The following BCAS3 variants were observed in gnomAD, a reference collection of about 807,000 sequenced individuals.
BCAS3 encodes BCAS4/BCAS3 fusion.
Under a neutral mutation model 116.1 loss-of-function variants are expected in BCAS3, and 53 were observed. The observed-to-expected ratio is 0.46, with a 90% CI of 0.37 to 0.57. The LOEUF is 0.57. Ranked by LOEUF, BCAS3 falls within the 20% of genes least tolerant of loss-of-function variation. BCAS3 has a pLI of 0.00. For synonymous variants in BCAS3, 391 were observed against 408.2 expected (o/e 0.96, Z 0.51); for missense variants, 917 against 1,165.4 (o/e 0.79, Z 3.10).
chr17:60,879,175 A>G (rs1427183228), intron 9 of BCAS3, among the ~76,000 whole-genome samples: 1 of 152,174 alleles, frequency 6.6e-6, no homozygotes, highest in Non-Finnish European at 1.5e-5. Context: ...GTTTTTCTAC[A>G]TTTATTGGTA....
At position 60,854,921 on chromosome 17, in the gene BCAS3, C is replaced by G. The variant is rs561314904; in HGVS notation, c.477-13655C>G. Among the ~76,000 whole-genome samples, 3 of 127,780 alleles carry G rather than the reference C, an allele frequency of 2.3e-5. No individual in the cohort carries two copies. In the South Asian group the frequency reaches 7.7e-4, roughly 33 times the overall value. 83.8% of individuals were successfully genotyped at this position (127,780 alleles called of 152,430 possible). The stretch of plus-strand genomic sequence containing the variant: ...TATATTCATAAAATGGATTATTATT[C>G]TTATTTTTCTTATTTATTTTCAGTG... On this transcript the variant is annotated intron_variant, in intron 7 of 23. Coordinates refer to ENST00000407086, the MANE Select transcript of BCAS3 (RefSeq NM_017679.5).
At chr17:60,700,533 G>A (rs192114231) in intron 4 of BCAS3, among the ~76,000 whole-genome samples, 152 of 152,326 alleles carry the variant, frequency 1.0e-3, no homozygotes, top group Middle Eastern at 6.8e-3. Context: ...ACTAGTTGAA[G>A]TAATGGGTGG....
chr17:60,840,933 G>A (rs2051842106), intron 7 of BCAS3, among the ~76,000 whole-genome samples: 1 of 152,022 alleles, frequency 6.6e-6, no homozygotes, highest in South Asian at 2.1e-4. Context: ...TCTCCCTATT[G>A]TCTCAATAAA....
rs540019649 is a variant in BCAS3, at chr17:60,802,388, A to C, written c.404-5616A>C. On this transcript the variant is annotated intron_variant, in intron 6 of 23. Transcript: ENST00000407086. ...CATACATACATATATATATATATATATCCCCTTGTTTTTATCATTCTTCAA... is the reference window on the plus strand; with the variant it reads ...CATACATACATATATATATATATATCTCCCCTTGTTTTTATCATTCTTCAA... Among the ~76,000 whole-genome samples, 132 of 149,346 alleles carry C rather than the reference A, an allele frequency of 8.8e-4. 1 individual carries two copies. Among genetic ancestry groups the C allele is most frequent in the South Asian group, 1.9e-3 (9 of 4,778 alleles).
chr17:61,368,420 A>C lies in BCAS3; in HGVS notation c.2519A>C (p.Glu840Ala). The C allele has an allele frequency of 1.9e-6, 3 of 1,612,906 alleles. No individual in the cohort carries two copies. The highest frequency in any genetic ancestry group is 1.7e-4 in the Middle Eastern group (1 of 6,058). Residue 840 changes from glutamate (E) to alanine (A), a missense_variant, in exon 23 of 24, where the codon GAG becomes GCG. This residue lies in a region of BCAS3 where 109 missense variants were observed against 122.8 expected (regional missense o/e 0.89). Transcript: ENST00000407086. This position sits in a 1 kb window ranked among gnomAD's most constrained non-coding sequence, Gnocchi z 6.0. Reference protein sequence around the residue: ...LRHMSSMEHTEEGLRERLADA... With the variant: ...LRHMSSMEHTAEGLRERLADA... ...CACATGTCCTCCATGGAGCACACGGAGGAGGGCCTCCGGGAGCGACTTGCC... is the reference window on the plus strand; with the variant it reads ...CACATGTCCTCCATGGAGCACACGGCGGAGGGCCTCCGGGAGCGACTTGCC...
At chr17:60,707,850 A>C (rs940850904) in intron 4 of BCAS3, among the ~76,000 whole-genome samples, 1 of 152,158 alleles carries the variant, frequency 6.6e-6, no homozygotes, top group African/African-American at 2.4e-5. Flanking sequence ...GATAAACCCT[A>C]TATTTTAGTG....
rs1258644387 is a variant in BCAS3, at chr17:61,227,254, C to A, written c.2426-141073C>A. ...GAAGCTAGTGCAATTTATGAGTCCTCTTCTGAAAAAAATGCAGATACTCAT... is the reference window on the plus strand; with the variant it reads ...GAAGCTAGTGCAATTTATGAGTCCTATTCTGAAAAAAATGCAGATACTCAT... On this transcript the variant is annotated intron_variant, in intron 22 of 23. Transcript: ENST00000407086. This position sits in a 1 kb window ranked among gnomAD's most constrained non-coding sequence, Gnocchi z 6.1. Among the ~76,000 whole-genome samples the A allele has an allele frequency of 6.6e-6, 1 of 152,130 alleles. No homozygotes were observed. Among genetic ancestry groups the A allele is most frequent in the Non-Finnish European group, 1.5e-5 (1 of 68,030 alleles).
intron 22 of BCAS3, among the ~76,000 whole-genome samples, chr17:61,210,753 AG>A (rs1352961446): frequency 1.3e-5 from 2 of 152,186 alleles, no homozygotes; most frequent in African/African-American, 4.8e-5. Context: ...AGGGGAGAGA[AG>A]GAAGGGACCT....
At chr17:60,754,069 TC>T (rs2042757376) in intron 6 of BCAS3, among the ~76,000 whole-genome samples, 1 of 152,184 alleles carries the variant, frequency 6.6e-6, no homozygotes, top group Non-Finnish European at 1.5e-5. Context: ...GGTCTCTCTC[TC>T]TCTTGCCCAT....
At chr17:60,766,183 T>A (rs992653365) in intron 6 of BCAS3, among the ~76,000 whole-genome samples, 2 of 152,218 alleles carry the variant, frequency 1.3e-5, no homozygotes, top group Non-Finnish European at 2.9e-5. Context: ...TGAAGCCTAC[T>A]TATGTCAGCT....
chr17:61,353,252 C>T (rs2057956804), intron 22 of BCAS3, among the ~76,000 whole-genome samples: 1 of 152,156 alleles, frequency 6.6e-6, no homozygotes, highest in Non-Finnish European at 1.5e-5. Context: ...AGGGGACCAA[C>T]AGCCAAAAAA....
chr17:61,323,394 C>T lies in BCAS3; in HGVS notation c.2426-44933C>T, dbSNP rs191974600. 8.6e-4 allele frequency among the ~76,000 whole-genome samples: 131 copies of T among 152,280 alleles called. No homozygotes were observed. In the Middle Eastern group the frequency reaches 0.01, roughly 12 times the overall value. ...GCAGTTAGCATAAGGGAGTTCCAGC[C>T]CCGGGTTCTAGTCTCAGCTTTGACC... On this transcript the variant is annotated intron_variant, in intron 22 of 23. Transcript: ENST00000407086. The surrounding 1 kb of genome is among the most constrained non-coding windows in gnomAD (Gnocchi z 4.6).
chr17:60,859,174 A>C (rs1362641786), intron 7 of BCAS3, among the ~76,000 whole-genome samples: 4 of 152,084 alleles, frequency 2.6e-5, no homozygotes, highest in African/African-American at 9.7e-5. Context: ...AGCAAGAAAA[A>C]CTTGATAAAT....
At chr17:60,762,286 C>T (rs1222165621) in intron 6 of BCAS3, among the ~76,000 whole-genome samples, 1 of 152,134 alleles carries the variant, frequency 6.6e-6, no homozygotes, top group African/African-American at 2.4e-5. Flanking sequence ...CGTCTGTGTC[C>T]TGAATGGTAA....
At chr17:60,732,682 C>T (rs1312384379) in intron 5 of BCAS3, among the ~76,000 whole-genome samples, 3 of 151,840 alleles carry the variant, frequency 2.0e-5, no homozygotes, top group African/African-American at 4.8e-5. Context: ...CTACTAAAAA[C>T]ACAAAAATTA....
chr17:60,893,223 C>T (rs1308675947), intron 10 of BCAS3, among the ~76,000 whole-genome samples: 1 of 152,054 alleles, frequency 6.6e-6, no homozygotes, highest in Non-Finnish European at 1.5e-5. Flanking sequence ...ATTTCTTTTG[C>T]TGTGCAGGAA....
chr17:60,855,791 C>T (rs1311983748), intron 7 of BCAS3, among the ~76,000 whole-genome samples: 5 of 152,072 alleles, frequency 3.3e-5, no homozygotes, highest in Non-Finnish European at 7.4e-5. Context: ...TCAAGTGATC[C>T]TCCCACCTCA....
intron 8 of BCAS3, among the ~76,000 whole-genome samples, chr17:60,873,450 C>CTA (rs1410595906): frequency 6.6e-6 from 1 of 152,016 alleles, no homozygotes; most frequent in Admixed American, 6.6e-5. Context: ...GAAAAATAAG[C>CTA]TATTAGTTTG....
chr17:60,815,225 A>G (rs1394392927), intron 7 of BCAS3, among the ~76,000 whole-genome samples: 2 of 152,080 alleles, frequency 1.3e-5, no homozygotes, highest in African/African-American at 2.4e-5. Flanking sequence ...GTTCTCACTC[A>G]TAGGTGGGAA....
Sources: allele counts gnomAD v4.1 joint callset (sites outside exome capture counted in the v4.1 genomes callset), GRCh38; gene constraint gnomAD v4.1.1; regional missense constraint gnomAD v4.1.1; non-coding constraint Gnocchi (gnomAD v3.1); transcripts MANE v1.5; gene names NCBI Gene and HGNC (gene_info 2026-07-23, HGNC 2026-07-21).